Variants in HUNK observed in about 807,000 individuals in gnomAD.
HUNK encodes the protein hormonally up-regulated Neu-associated kinase.
A neutral mutation model predicts 61.0 loss-of-function variants in HUNK; 21 were observed. The observed-to-expected ratio is 0.34, with a 90% CI of 0.24 to 0.50. The LOEUF is 0.50. HUNK is among the 20% of genes least tolerant of loss of function. The pLI is 0.98. For missense variants in HUNK, 772 were observed against 945.7 expected (o/e 0.82, Z 2.41); for synonymous variants, 371 against 386.1 (o/e 0.96, Z 0.46).
At chr21:31,914,057 T>C (rs1195580909) in intron 1 of HUNK, among the ~76,000 whole-genome samples, 4 of 152,068 alleles carry the variant, frequency 2.6e-5, no homozygotes, top group Non-Finnish European at 5.9e-5. Context: ...CCAGCTGCTG[T>C]TGCTGTGACG....
intron 8 of HUNK, among the ~76,000 whole-genome samples, chr21:31,987,101 AG>A (rs2053138879): frequency 6.6e-6 from 1 of 152,212 alleles, no homozygotes; most frequent in Non-Finnish European, 1.5e-5. Flanking sequence ...GGCCCTGATC[AG>A]AGTCTCAGAA....
In HUNK at chr21:31,999,002, A is replaced by C. The variant is rs745600792; in HGVS notation, c.1963A>C (p.Asn655His). The change falls in exon 11 of 11, where the codon AAT (asparagine) becomes CAT (histidine). Residue 655 changes from asparagine (N) to histidine (H), a missense_variant. Physicochemically the swap from Asn to His is moderately conservative, Grantham distance 68 (BLOSUM62 1). Transcript: ENST00000270112. ...NGPMQPLGSP[N>H]CVKSRGRFPM... is the part of the protein sequence containing the mutation. Reference sequence around the variant, plus strand: ...CCCCATGCAGCCTCTGGGGAGCCCCAATTGTGTGAAAAGCCGAGGCCGGTT... The same window carrying C: ...CCCCATGCAGCCTCTGGGGAGCCCCCATTGTGTGAAAAGCCGAGGCCGGTT... 1.2e-6 allele frequency: 2 copies of C among 1,613,960 alleles called. No individual in the cohort carries two copies. Among genetic ancestry groups the C allele is most frequent in the African/African-American group, 2.7e-5 (2 of 74,892 alleles).
intron 2 of HUNK, among the ~76,000 whole-genome samples, chr21:31,926,312 T>C (rs2052659412): frequency 6.6e-6 from 1 of 152,242 alleles, no homozygotes; most frequent in African/African-American, 2.4e-5. Context: ...CACACACGTG[T>C]GCACATGTAT....
rs1454420307 is a variant in HUNK at position 31,924,266 on chromosome 21, A to G, written c.262-202A>G. Among the ~76,000 whole-genome samples the G allele has an allele frequency of 2.5e-5, 2 of 81,318 alleles. No homozygotes were observed. Among genetic ancestry groups the G allele is most frequent in the Admixed American group, 1.0e-4 (1 of 9,806 alleles). The allele number at this position is 81,318 out of a possible 152,430, so 53.3% of individuals were successfully genotyped here. ...TGATTTTTCCTAATGTTGTACCTAT[A>G]TGTGTGTGTGTGTGTGTGTTTGTGT... is the stretch of plus-strand genomic sequence containing the variant. On this transcript the variant is annotated intron_variant, in intron 1 of 10. Coordinates refer to ENST00000270112, the MANE Select transcript of HUNK (RefSeq NM_014586.2). This position sits in a 1 kb window ranked among gnomAD's most constrained non-coding sequence, Gnocchi z 5.1.
At chr21:31,891,445 T>C (rs968607915) in intron 1 of HUNK, among the ~76,000 whole-genome samples, 6 of 152,220 alleles carry the variant, frequency 3.9e-5, no homozygotes, top group Non-Finnish European at 1.5e-5. Context: ...TATTTGAACA[T>C]ACGAACACAC....
intron 1 of HUNK, among the ~76,000 whole-genome samples, chr21:31,897,337 G>A (rs2052432045): frequency 6.6e-6 from 1 of 152,224 alleles, no homozygotes; most frequent in Non-Finnish European, 1.5e-5. Context: ...GAGGCCAGAA[G>A]TCTAAGATCA....
At chr21:31,960,349 T>C (rs1037832524) in intron 5 of HUNK, among the ~76,000 whole-genome samples, 7 of 150,806 alleles carry the variant, frequency 4.6e-5, no homozygotes, top group African/African-American at 1.7e-4. Flanking sequence ...GAAAGTAAAA[T>C]AAATTGGGAC....
rs369103357 is a variant in HUNK, at chr21:31,974,380, A to G, written c.1011-175A>G. On this transcript the variant is annotated intron_variant, in intron 6 of 10. Transcript: ENST00000270112. ...CTGGTATATCTAGATGATGGTATAC[A>G]TAAAGTGATTGTACTATTCCCTCCG... 35 of 544,920 alleles carry G rather than the reference A, an allele frequency of 6.4e-5. No individual in the cohort carries two copies. The East Asian group carries it at 1.0e-3, about 16-fold the overall frequency. 33.8% of individuals were successfully genotyped at this position (544,920 alleles called of 1,614,324 possible).
chr21:31,883,235 G>T (rs182028817), intron 1 of HUNK, among the ~76,000 whole-genome samples: 2 of 152,050 alleles, frequency 1.3e-5, no homozygotes, highest in East Asian at 1.9e-4. Context: ...ATTTATAAGG[G>T]TTCCCAACTT....
chr21:31,880,060 G>A (rs1484573677), intron 1 of HUNK, among the ~76,000 whole-genome samples: 1 of 152,174 alleles, frequency 6.6e-6, no homozygotes, highest in African/African-American at 2.4e-5. Context: ...AATAGTCCCC[G>A]AGGAGGGGGA....
chr21:31,957,311 T>A (rs746117195), intron 4 of HUNK, among the ~76,000 whole-genome samples: 7 of 152,212 alleles, frequency 4.6e-5, no homozygotes, highest in Non-Finnish European at 1.0e-4. Context: ...CAGCAAGTAT[T>A]TGTGGAATGG....
At chr21:31,888,564 C>T (rs2052364737) in intron 1 of HUNK, among the ~76,000 whole-genome samples, 1 of 152,114 alleles carries the variant, frequency 6.6e-6, no homozygotes, top group South Asian at 2.1e-4. Context: ...TGGTGAAACC[C>T]TGTTTCTACT....
chr21:31,878,741 G>A (rs909106115), intron 1 of HUNK, among the ~76,000 whole-genome samples: 2 of 152,288 alleles, frequency 1.3e-5, no homozygotes, highest in Middle Eastern at 3.4e-3. Flanking sequence ...ATTGATAAAA[G>A]TTGAAAAAAT....
At chr21:31,958,766 C>T (rs781750877) in intron 4 of HUNK, 77 bp from the exon 5 acceptor site, 372 of 1,394,922 alleles carry the variant, frequency 2.7e-4, no homozygotes, top group Middle Eastern at 4.8e-4. Context: ...TCCCACGCTT[C>T]GGTGAAGCCC....
intron 1 of HUNK, among the ~76,000 whole-genome samples, chr21:31,885,304 C>G (rs981564661): frequency 3.3e-5 from 5 of 152,228 alleles, no homozygotes; most frequent in Admixed American, 6.5e-5. Context: ...CGCCTTGGCA[C>G]TCTTCGAGGG....
At position 32,000,961 on chromosome 21, in the gene HUNK, A is replaced by C; in HGVS notation, c.*1777A>C. The C allele has an allele frequency of 2.6e-6, 1 of 382,928 alleles. No individual in the cohort carries two copies. The highest frequency in any genetic ancestry group is 4.6e-6 in the Non-Finnish European group (1 of 216,812). The allele number at this position is 382,928 out of a possible 1,614,324, so 23.7% of individuals were successfully genotyped here. A position where few individuals can be genotyped will look rare whatever the true frequency, so the allele number is the denominator to read the frequency against. ...TTTGTATAGCTTCAGACTGGGTTCC[A>C]GAACTTACCATTGAAAACAGAGCTT... is the stretch of plus-strand genomic sequence containing the variant. On this transcript the variant is annotated 3_prime_UTR_variant, in exon 11 of 11. Transcript: ENST00000270112.
intron 1 of HUNK, among the ~76,000 whole-genome samples, chr21:31,892,658 G>A (rs550217698): frequency 4.0e-5 from 6 of 151,336 alleles, no homozygotes; most frequent in African/African-American, 1.2e-4. Context: ...TTATATTTCC[G>A]CCTTAAAAGT....
Position 31,924,947 on chromosome 21 carries a change from A to G in HUNK, c.554+187A>G, listed in dbSNP as rs1481849894. On this transcript the variant is annotated intron_variant, in intron 2 of 10. Transcript: ENST00000270112. This position sits in a 1 kb window ranked among gnomAD's most constrained non-coding sequence, Gnocchi z 5.1. ...GTTTTGTTCTTGTTGCCCAGGCTGG[A>G]GTGCAATGGCGCAGTCATGGCTCAC... 6.6e-6 allele frequency among the ~76,000 whole-genome samples: 1 copy of G among 152,018 alleles called. No homozygotes were observed. Among genetic ancestry groups the G allele is most frequent in the Non-Finnish European group, 1.5e-5 (1 of 68,000 alleles).
At chr21:31,985,395 A>G (rs1287568231) in intron 8 of HUNK, among the ~76,000 whole-genome samples, 43 of 152,278 alleles carry the variant, frequency 2.8e-4, no homozygotes. Context: ...ACTGGGGCCC[A>G]CACTGGGCTC....
Sources: allele counts gnomAD v4.1 joint callset (sites outside exome capture counted in the v4.1 genomes callset), GRCh38; gene constraint gnomAD v4.1.1; non-coding constraint Gnocchi (gnomAD v3.1); transcripts MANE v1.5; gene names NCBI Gene and HGNC (gene_info 2026-07-23, HGNC 2026-07-21).